OTOGL: variants seen among roughly 807,000 people sequenced by gnomAD.
OTOGL encodes otogelin like.
OTOGL carries 285 observed loss-of-function variants against 318.5 expected under a neutral mutation model. The observed-to-expected ratio is 0.89, with a 90% CI of 0.81 to 0.99. The LOEUF (loss-of-function observed/expected upper bound fraction) is 0.99, where lower values mean the gene tolerates loss of function less well. OTOGL is among the 50% of genes least tolerant of loss of function. The pLI is 0.00. For synonymous variants in OTOGL, 987 were observed against 936.5 expected (o/e 1.05, Z -0.99); for missense variants, 2,899 against 2,845.6 (o/e 1.02, Z -0.43).
At chr12:80,141,593 G>A (rs1297643354) in intron 1 of OTOGL, among the ~76,000 whole-genome samples, 1 of 152,062 alleles carries the variant, frequency 6.6e-6, no homozygotes, top group Admixed American at 6.6e-5. Flanking sequence ...AGGCAGACTT[G>A]TTTCATCAGC....
At chr12:80,112,581 C>T (rs1191590636) in intron 1 of OTOGL, among the ~76,000 whole-genome samples, 5 of 152,020 alleles carry the variant, frequency 3.3e-5, no homozygotes, top group African/African-American at 1.2e-4. Flanking sequence ...GCCTTGTATC[C>T]CAGGGGTGAA....
At chr12:80,148,998 A>T (rs1157036370) in intron 1 of OTOGL, among the ~76,000 whole-genome samples, 3 of 151,994 alleles carry the variant, frequency 2.0e-5, no homozygotes, top group Non-Finnish European at 4.4e-5. Context: ...CTTTGGTTTG[A>T]ATGTCCTCCT....
chr12:80,254,469 A>C, intron 14 of OTOGL, 55 bp from the exon 15 acceptor site: 1 of 1,413,512 alleles, frequency 7.1e-7, no homozygotes, highest in Non-Finnish European at 9.8e-7. Context: ...ATTGATGCAA[A>C]CATTAATACA....
At chr12:80,186,167 C>A (rs571076827) in intron 1 of OTOGL, among the ~76,000 whole-genome samples, 50 of 152,288 alleles carry the variant, frequency 3.3e-4, no homozygotes, top group African/African-American at 1.1e-3. Flanking sequence ...TGTTCAAAAC[C>A]AAATTCATTA....
chr12:80,163,285 T>C (rs893996901), intron 1 of OTOGL, among the ~76,000 whole-genome samples: 3 of 152,078 alleles, frequency 2.0e-5, no homozygotes, highest in Admixed American at 1.3e-4. Context: ...TTCTGTTGTA[T>C]ACCATTGCAT....
chr12:80,285,485 C>T (rs755756213), intron 26 of OTOGL, among the ~76,000 whole-genome samples: 8 of 152,078 alleles, frequency 5.3e-5, no homozygotes, highest in Non-Finnish European at 7.4e-5. Context: ...GCCATTTTCA[C>T]GATATTGATT....
intron 44 of OTOGL, among the ~76,000 whole-genome samples, chr12:80,344,533 T>A (rs943817589): frequency 6.6e-6 from 1 of 152,126 alleles, no homozygotes; most frequent in South Asian, 2.1e-4. Context: ...TTACTTAAAG[T>A]GTGTGGGTTT....
At chr12:80,102,769 C>G in intron 1 of OTOGL, 1 of 604,734 alleles carries the variant, frequency 1.7e-6, no homozygotes, top group Non-Finnish European at 2.9e-6. Flanking sequence ...TAATAAAGTC[C>G]TACTGATGGA....
Position 80,358,764 on chromosome 12 carries a change from C to G in OTOGL, c.6215C>G (p.Thr2072Arg), listed in dbSNP as rs568493821. 1 of 1,606,534 alleles carries G rather than the reference C, an allele frequency of 6.2e-7. No individual in the cohort carries two copies. Among genetic ancestry groups the G allele is most frequent in the South Asian group, 1.1e-5 (1 of 90,834 alleles). ...KENVSGQCCPTWHCECNCENL... is the reference protein window; with the variant it reads ...KENVSGQCCPRWHCECNCENL... ...AATGTATCTGGTCAATGTTGCCCAA[C>G]ATGGCACTGTGGTAACTAATTTTCA... Residue 2072 changes from threonine to arginine, a missense_variant, in exon 51 of 59, where the codon ACA becomes AGA. Around this residue, in one of 3 missense-constraint regions of OTOGL, gnomAD observed 2,607 missense variants for 2,524.9 expected, o/e 1.03. Transcript: ENST00000547103.
At chr12:80,208,059 T>C (rs1876945678) in intron 1 of OTOGL, 2 of 413,500 alleles carry the variant, frequency 4.8e-6, no homozygotes, top group Non-Finnish European at 9.5e-6. Context: ...TGTGAATGTG[T>C]GTGTACATGT....
At chr12:80,182,650 T>C (rs2137242853) in intron 1 of OTOGL, among the ~76,000 whole-genome samples, 1 of 152,216 alleles carries the variant, frequency 6.6e-6, no homozygotes, top group South Asian at 2.1e-4. Flanking sequence ...GAAGGAAGAT[T>C]ATGAATTTTT....
chr12:80,235,427 C>T (rs7134729), intron 9 of OTOGL, among the ~76,000 whole-genome samples: 108,009 of 147,832 alleles, frequency 0.73, 41,286 homozygotes, highest in East Asian at 1. Flanking sequence ...ACCATCATGC[C>T]ACTGCACTCC....
chr12:80,168,103 G>A (rs567088610), intron 1 of OTOGL, among the ~76,000 whole-genome samples: 6 of 151,690 alleles, frequency 4.0e-5, no homozygotes, highest in Middle Eastern at 3.4e-3. Context: ...GACTCCAGGC[G>A]CACGCCACCA....
intron 1 of OTOGL, among the ~76,000 whole-genome samples, chr12:80,143,072 G>T (rs1872059837): frequency 6.6e-6 from 1 of 152,104 alleles, no homozygotes; most frequent in Admixed American, 6.6e-5. Flanking sequence ...TAGTTGGGTG[G>T]CAAAGGCTGA....
At chr12:80,107,520 C>T (rs1869524960) in intron 1 of OTOGL, among the ~76,000 whole-genome samples, 1 of 152,104 alleles carries the variant, frequency 6.6e-6, no homozygotes, top group African/African-American at 2.4e-5. Context: ...ATTAGTTTAG[C>T]CATTGTAGAA....
intron 1 of OTOGL, among the ~76,000 whole-genome samples, chr12:80,124,325 T>G (rs147186578): frequency 3.3e-5 from 5 of 152,166 alleles, no homozygotes; most frequent in Non-Finnish European, 7.3e-5. Flanking sequence ...TTTTGTGAGG[T>G]TTGTCGAAGA....
intron 26 of OTOGL, among the ~76,000 whole-genome samples, chr12:80,289,104 G>C (rs776372277): frequency 3.3e-5 from 5 of 152,056 alleles, no homozygotes; most frequent in African/African-American, 4.8e-5. Flanking sequence ...CTTTTTTGTT[G>C]ATGTTATCAC....
intron 52 of OTOGL, among the ~76,000 whole-genome samples, chr12:80,365,804 A>G (rs1890493607): frequency 6.6e-6 from 1 of 152,148 alleles, no homozygotes; most frequent in South Asian, 2.1e-4. Context: ...TCATTTATTT[A>G]TGTCAAGAAT....
intron 38 of OTOGL, 116 bp from the exon 39 acceptor site, chr12:80,335,847 A>G (rs1308256214): frequency 3.2e-6 from 3 of 937,178 alleles, no homozygotes; most frequent in African/African-American, 1.7e-5. Flanking sequence ...TTTATCTTTC[A>G]AAAGTTTTTG....
Sources: gnomAD v4.1 joint callset for allele counts (sites outside exome capture counted in the v4.1 genomes callset) on GRCh38, gnomAD v4.1.1 for gene constraint, gnomAD v4.1.1 regional missense constraint, MANE v1.5 for transcripts, NCBI Gene and HGNC (gene_info 2026-07-23, HGNC 2026-07-21) for gene names.